BOD1L1: variants seen among roughly 807,000 people sequenced by gnomAD.
The protein encoded by BOD1L1 is biorientation of chromosomes in cell division 1 like 1.
A neutral mutation model predicts 240.7 loss-of-function variants in BOD1L1; 86 were observed. The observed-to-expected ratio is 0.36, with a 90% confidence interval of 0.30 to 0.43. The LOEUF is 0.43. BOD1L1 is among the 20% of genes least tolerant of loss of function. The pLI, the probability that BOD1L1 is intolerant of heterozygous loss-of-function variation, is 1.00. For missense variants in BOD1L1, 3,554 were observed against 3,643.5 expected, an observed-to-expected ratio of 0.98 and a Z score of 0.63; for synonymous variants, 1,268 against 1,272.3, an observed-to-expected ratio of 1.00 and a Z score of 0.07.
Position 13,599,741 on chromosome 4 carries a change from G to C in BOD1L1, c.7159C>G (p.Pro2387Ala). ...TCTTTGCCTCCCCTGACTGGCCCAG[G>C]ACACCGACAGTTATTCTCAGCAATT... ...SLIAENNCRC[P>A]GPVRGGKEPG... Residue 2387 changes from proline (P) to alanine (A), a missense_variant, in exon 10 of 26, where the codon CCT becomes GCT. By Grantham distance (27) the Pro-to-Ala change is conservative (BLOSUM62 -1). Transcript: ENST00000040738. The C allele has an allele frequency of 6.2e-6, 10 of 1,613,810 alleles. No homozygotes were observed. Among genetic ancestry groups the C allele is most frequent in the African/African-American group, 1.3e-5 (1 of 75,002 alleles).
Position 13,601,998 on chromosome 4 carries a change from A to G in BOD1L1, c.4902T>C (p.His1634=). The G allele has an allele frequency of 6.2e-7, 1 of 1,614,000 alleles. No homozygotes were observed. Among genetic ancestry groups the G allele is most frequent in the Non-Finnish European group, 8.5e-7 (1 of 1,179,904 alleles). The change falls in exon 10 of 26, where the codon CAT becomes CAC. Residue 1634 remains histidine, a synonymous_variant. Coordinates refer to ENST00000040738, the MANE Select transcript of BOD1L1 (RefSeq NM_148894.3). ...EDRAADLLAV[H]AVKIEANVNS... is the part of the protein sequence containing the mutation. ...TTACATTGGCTTCGATTTTAACTGC[A>G]TGCACAGCCAGTAGGTCTGCTGCTC...
intron 22 of BOD1L1, among the ~76,000 whole-genome samples, chr4:13,578,795 C>T (rs1015651492): frequency 6.6e-6 from 1 of 152,180 alleles, no homozygotes; most frequent in African/African-American, 2.4e-5. Flanking sequence ...CTTGAGTAAT[C>T]TGTTTAGAGT....
chr4:13,577,557 T>G lies in BOD1L1; in HGVS notation c.8799+25A>C, dbSNP rs749892895. 1.9e-6 allele frequency: 3 copies of G among 1,586,364 alleles called. No individual in the cohort carries two copies. The East Asian group carries it at 6.8e-5, about 36-fold the overall frequency. On this transcript the variant is annotated intron_variant, in intron 23 of 25. Transcript: ENST00000040738. ...TTTAAGTTGATTTCTAAACAACATA[T>G]CTTGATAAGAAATTTAACACTTACA...
intron 7 of BOD1L1, among the ~76,000 whole-genome samples, 187 bp from the exon 8 acceptor site, chr4:13,608,855 A>G (rs1715936793): frequency 1.3e-5 from 2 of 152,212 alleles, no homozygotes; most frequent in South Asian, 4.1e-4. Context: ...AAATGATCAC[A>G]TAAGTGTGTG....
At chr4:13,572,469 G>A (rs939910956) in intron 25 of BOD1L1, among the ~76,000 whole-genome samples, 2 of 152,200 alleles carry the variant, frequency 1.3e-5, no homozygotes, top group African/African-American at 4.8e-5. Context: ...AGGCAGATAA[G>A]GCTCACAGGT....
chr4:13,610,235 T>G (rs566829067), intron 6 of BOD1L1, among the ~76,000 whole-genome samples: 1 of 152,334 alleles, frequency 6.6e-6, no homozygotes, highest in Admixed American at 6.5e-5. Context: ...TGTTATTAAT[T>G]CAGTGGTACA....
chr4:13,576,860 TG>T lies in BOD1L1; in HGVS notation c.9015del (p.Thr3006ProfsTer41). 1 of 1,613,996 alleles carries T rather than the reference TG, an allele frequency of 6.2e-7. No homozygotes were observed. On this transcript the variant is annotated frameshift_variant, in exon 25 of 26. Coordinates refer to ENST00000040738, the MANE Select transcript of BOD1L1 (RefSeq NM_148894.3). LOFTEE classifies it high-confidence loss of function. ...TACCTCTGAGCCTCTGATCTGGTGG[TG>T]GATCTTGTGGTGGCTCCTGAAGGCT... Reference protein sequence around the residue: ...EDEPSGATTRSTTRSEAQRSK... With the variant: ...EDEPSGATTRXTTRSEAQRSK...
At chr4:13,612,530 T>G (rs1295949283) in intron 5 of BOD1L1, among the ~76,000 whole-genome samples, 1 of 152,142 alleles carries the variant, frequency 6.6e-6, no homozygotes, top group East Asian at 1.9e-4. Context: ...TTCTGAGGAC[T>G]ATAGGAGTTA....
intron 2 of BOD1L1, among the ~76,000 whole-genome samples, chr4:13,615,828 T>G (rs1334897231): frequency 6.6e-6 from 1 of 152,214 alleles, no homozygotes; most frequent in Non-Finnish European, 1.5e-5. Flanking sequence ...ATCTCACCCC[T>G]ACTCTGCTCA....
intron 25 of BOD1L1, among the ~76,000 whole-genome samples, chr4:13,575,483 C>T (rs940477753): frequency 2.6e-5 from 4 of 151,810 alleles, no homozygotes; most frequent in Admixed American, 6.6e-5. Flanking sequence ...TGGGCTCAAG[C>T]GATCCTCCCA....
Position 13,604,807 on chromosome 4 carries a change from T to C in BOD1L1, c.2093A>G (p.Lys698Arg). 1 of 1,613,270 alleles carries C rather than the reference T, an allele frequency of 6.2e-7. No individual in the cohort carries two copies. Among genetic ancestry groups the C allele is most frequent in the Non-Finnish European group, 8.5e-7 (1 of 1,179,778 alleles). ...EEPQKQKSTLKNEKHLKKDDS... is the reference protein window; with the variant it reads ...EEPQKQKSTLRNEKHLKKDDS... ...ATCTTTCTTTAGATGCTTTTCGTTT[T>C]TAAGTGTGCTTTTCTGTTTCTGGGG... Residue 698 changes from lysine to arginine, a missense_variant, in exon 10 of 26, where the codon AAA becomes AGA. Lys to Arg is a conservative substitution (Grantham distance 26). Coordinates refer to ENST00000040738, the MANE Select transcript of BOD1L1 (RefSeq NM_148894.3).
chr4:13,607,197 G>T lies in BOD1L1; in HGVS notation c.1743-8C>A, dbSNP rs746667559. The T allele has an allele frequency of 2.6e-6, 4 of 1,541,492 alleles. No individual in the cohort carries two copies. The highest frequency in any genetic ancestry group is 1.4e-5 in the African/African-American group (1 of 71,232). On this transcript the variant is annotated splice_polypyrimidine_tract_variant and splice_region_variant and intron_variant, in intron 8 of 25. Transcript: ENST00000040738. ...GAGTTCTCTTCAACATTCCTAAGGG[G>T]GAAAGAGTCAAATATAAAGCATGAA...
Position 13,586,493 on chromosome 4 carries a change from C to G in BOD1L1, c.8354-18G>C. ...ATTATCATCTGTAAATCAGTTTAGA[C>G]AGAATCACAAAGGAACAAAAGCTAA... On this transcript the variant is annotated intron_variant, in intron 16 of 25. Coordinates refer to ENST00000040738, the MANE Select transcript of BOD1L1 (RefSeq NM_148894.3). 1 of 1,533,510 alleles carries G rather than the reference C, an allele frequency of 6.5e-7. No individual in the cohort carries two copies. The highest frequency in any genetic ancestry group is 9.0e-7 in the Non-Finnish European group (1 of 1,114,828). The allele number at this position is 1,533,510 out of a possible 1,614,324, so 95.0% of individuals were successfully genotyped here. A position where few individuals can be genotyped will look rare whatever the true frequency, so the allele number is the denominator to read the frequency against.
chr4:13,570,193 T>A, intron 25 of BOD1L1, 65 bp from the exon 26 acceptor site: 1 of 1,203,548 alleles, frequency 8.3e-7, no homozygotes, highest in Non-Finnish European at 1.1e-6. Context: ...AACTTGGGAG[T>A]TCCTTAAAAA....
At chr4:13,573,926 C>G (rs1006281971) in intron 25 of BOD1L1, among the ~76,000 whole-genome samples, 5 of 152,158 alleles carry the variant, frequency 3.3e-5, no homozygotes, top group African/African-American at 4.8e-5. Flanking sequence ...ATCTTCCTGC[C>G]TCAGCCTCCT....
In BOD1L1 at chr4:13,616,117, T is replaced by G. The variant is rs1716576345; in HGVS notation, c.369-615A>C. 2.0e-5 allele frequency among the ~76,000 whole-genome samples: 3 copies of G among 152,218 alleles called. No homozygotes were observed. The South Asian group carries it at 6.2e-4, about 31-fold the overall frequency. On this transcript the variant is annotated intron_variant, in intron 2 of 25. Transcript: ENST00000040738. ...ATTCATTCAACAATTACGTTATAAGTGTCTTCTATATAACAGGCACTATGC... is the reference window on the plus strand; with the variant it reads ...ATTCATTCAACAATTACGTTATAAGGGTCTTCTATATAACAGGCACTATGC...
chr4:13,592,161 G>C, intron 12 of BOD1L1, 195 bp from the exon 13 acceptor site: 1 of 493,852 alleles, frequency 2.0e-6, no homozygotes. Flanking sequence ...TATACTACCA[G>C]AAAAAGACAA....
rs1194823807 is a variant in BOD1L1, at chr4:13,611,029, C to G, written c.1396G>C (p.Val466Leu). 4 of 1,612,136 alleles carry G rather than the reference C, an allele frequency of 2.5e-6. No homozygotes were observed. In the Admixed American group the frequency reaches 5.0e-5, roughly 20 times the overall value. ...GGTTTGTGGACATACGCATGCCGTA[C>G]ACTTTTTGTTTTTCCTTCACTAGAA... ...SDSSEGKTKSVRHAYVHKPYL... is the reference protein window; with the variant it reads ...SDSSEGKTKSLRHAYVHKPYL... Residue 466 changes from valine to leucine, a missense_variant, in exon 6 of 26, where the codon GTA becomes CTA. Transcript: ENST00000040738.
rs1577357365 is a variant in BOD1L1, at chr4:13,604,486, T to C, written c.2414A>G (p.Asp805Gly). The change falls in exon 10 of 26, where the codon GAT becomes GGT. Residue 805 changes from aspartate (D) to glycine (G), a missense_variant. Physicochemically the swap from Asp to Gly is moderately conservative, Grantham distance 94 (BLOSUM62 -1). This residue lies in a region of BOD1L1 where 3,393 missense variants were observed against 3,427.1 expected (regional missense o/e 0.99). Transcript: ENST00000040738. ...NERKLSVLGK[D>G]GKPVSEYIIK... ...AATATATTCAGAAACTGGCTTTCCA[T>C]CTTTGCCTAATACTGATAATTTCCT... 6.5e-7 allele frequency: 1 copy of C among 1,534,182 alleles called. No individual in the cohort carries two copies. The highest frequency in any genetic ancestry group is 2.3e-5 in the East Asian group (1 of 43,594).
Sources: gnomAD v4.1 joint callset for allele counts (sites outside exome capture counted in the v4.1 genomes callset) on GRCh38, gnomAD v4.1.1 for gene constraint, gnomAD v4.1.1 regional missense constraint, MANE v1.5 for transcripts, NCBI Gene and HGNC (gene_info 2026-07-23, HGNC 2026-07-21) for gene names.